The following HSD17B4 variants were observed in gnomAD, a reference collection of about 807,000 sequenced individuals.
HSD17B4 encodes the protein peroxisomal multifunctional enzyme type 2.
Under a neutral mutation model 101.0 loss-of-function variants are expected in HSD17B4, and 70 were observed. The observed-to-expected ratio is 0.69, with a 90% CI of 0.57 to 0.85. HSD17B4 has a LOEUF of 0.85. Ranked by LOEUF, HSD17B4 falls within the 40% of genes least tolerant of loss-of-function variation. HSD17B4 has a pLI of 0.00. For missense variants in HSD17B4, 984 were observed against 892.4 expected (o/e 1.10, Z -1.31); for synonymous variants, 347 against 297.1 (o/e 1.17, Z -1.73).
intron 8 of HSD17B4, among the ~76,000 whole-genome samples, chr5:119,484,010 A>G (rs1439478965): frequency 6.6e-6 from 1 of 152,144 alleles, no homozygotes; most frequent in Admixed American, 6.6e-5. Flanking sequence ...ATAGCTCTTA[A>G]GTTTCCTTTA....
intron 8 of HSD17B4, among the ~76,000 whole-genome samples, chr5:119,486,620 A>T (rs1048329236): frequency 1.3e-5 from 2 of 152,102 alleles, no homozygotes; most frequent in Non-Finnish European, 2.9e-5. Context: ...GATTTATATA[A>T]AGCTGTAGCT....
chr5:119,478,018 T>G (rs1218829619), intron 7 of HSD17B4: 1 of 171,048 alleles, frequency 5.8e-6, no homozygotes, highest in African/African-American at 2.4e-5. Flanking sequence ...TTCTGGCATT[T>G]TAGAAGATAG....
chr5:119,469,438 T>G (rs1756138848), intron 2 of HSD17B4, among the ~76,000 whole-genome samples: 1 of 152,148 alleles, frequency 6.6e-6, no homozygotes, highest in South Asian at 2.1e-4. Flanking sequence ...CATTGCAACC[T>G]CTGCCTCCTG....
chr5:119,524,320 G>A (rs1004906909), intron 17 of HSD17B4, among the ~76,000 whole-genome samples: 1 of 151,994 alleles, frequency 6.6e-6, no homozygotes, highest in African/African-American at 2.4e-5. Context: ...AATAAAACTT[G>A]TTAAAAATAA....
chr5:119,507,157 T>C (rs943899713), intron 15 of HSD17B4, among the ~76,000 whole-genome samples: 2 of 152,204 alleles, frequency 1.3e-5, no homozygotes, highest in African/African-American at 4.8e-5. Context: ...GTGGCTTGTA[T>C]TGATAATGTA....
intron 12 of HSD17B4, 38 bp downstream of exon 12, chr5:119,496,684 G>A: frequency 9.1e-7 from 1 of 1,102,316 alleles, no homozygotes; most frequent in Non-Finnish European, 1.4e-6. Flanking sequence ...TGCCTTCTCT[G>A]GAGACTTTCC....
chr5:119,496,401 A>G (rs995845641), intron 11 of HSD17B4, 142 bp from the exon 12 acceptor site: 1 of 645,374 alleles, frequency 1.5e-6, no homozygotes, highest in South Asian at 1.9e-5. Flanking sequence ...AGCCTGACAT[A>G]CATTCAGTTC....
intron 2 of HSD17B4, among the ~76,000 whole-genome samples, chr5:119,457,861 G>A (rs1250126764): frequency 6.6e-6 from 1 of 152,046 alleles, no homozygotes; most frequent in Non-Finnish European, 1.5e-5. Context: ...ATACTTTTCT[G>A]GGGGAAGGGT....
At chr5:119,463,877 G>T (rs1226698358) in intron 2 of HSD17B4, among the ~76,000 whole-genome samples, 1 of 151,526 alleles carries the variant, frequency 6.6e-6, no homozygotes, top group African/African-American at 2.4e-5. Flanking sequence ...CACCATGTTG[G>T]CCAGGCTGGT....
chr5:119,452,869 C>T (rs1754206707), intron 1 of HSD17B4: 1 of 1,535,080 alleles, frequency 6.5e-7, no homozygotes, highest in Non-Finnish European at 8.7e-7. Context: ...TCCCAAGGTC[C>T]TGCCTGAGAG....
chr5:119,506,971 A>G, intron 15 of HSD17B4, 82 bp downstream of exon 15: 1 of 709,862 alleles, frequency 1.4e-6, no homozygotes. Context: ...ATAGAAGTTG[A>G]TTAATAAGTT....
Position 119,477,441 on chromosome 5 carries a change from G to A in HSD17B4, c.374G>A (p.Arg125Gln), listed in dbSNP as rs781172854. 9.9e-6 allele frequency: 16 copies of A among 1,611,460 alleles called. No homozygotes were observed. The highest frequency in any genetic ancestry group is 1.1e-5 in the Non-Finnish European group (13 of 1,177,874). The change falls in exon 7 of 24, where the codon CGG (arginine) becomes CAG (glutamine). Residue 125 changes from arginine (R) to glutamine (Q), a missense_variant. Coordinates refer to ENST00000510025, the MANE Select transcript of HSD17B4 (RefSeq NM_000414.4). ...GATATAATCCACAGAGTTCATTTGC[G>A]GGGTTCATTCCAAGTGACACGGGCA... ...DWDIIHRVHLRGSFQVTRAAW... is the reference protein window; with the variant it reads ...DWDIIHRVHLQGSFQVTRAAW...
intron 7 of HSD17B4, 79 bp from the exon 8 acceptor site, chr5:119,478,755 T>C: frequency 8.6e-7 from 1 of 1,165,774 alleles, no homozygotes; most frequent in Non-Finnish European, 1.3e-6. Flanking sequence ...ATAGGTGCAG[T>C]AGTACCAAAA....
At chr5:119,540,060 C>A (rs1227249704) in intron 23 of HSD17B4, among the ~76,000 whole-genome samples, 1 of 152,006 alleles carries the variant, frequency 6.6e-6, no homozygotes, top group Admixed American at 6.6e-5. Context: ...CAGCTGTAGC[C>A]TGGGTGACAG....
chr5:119,527,591 A>G (rs1753717701), intron 20 of HSD17B4, among the ~76,000 whole-genome samples: 2 of 152,114 alleles, frequency 1.3e-5, no homozygotes, highest in African/African-American at 4.8e-5. Flanking sequence ...AGACAGATAT[A>G]CAGTGAAAAC....
intron 20 of HSD17B4, among the ~76,000 whole-genome samples, chr5:119,528,155 A>G (rs965595622): frequency 6.6e-6 from 1 of 152,148 alleles, no homozygotes; most frequent in African/African-American, 2.4e-5. Flanking sequence ...AAGAAAATCT[A>G]GGTTCCTAAG....
At chr5:119,536,284 T>A (rs746060022) in intron 22 of HSD17B4, 139 bp from the exon 23 acceptor site, 1 of 773,660 alleles carries the variant, frequency 1.3e-6, no homozygotes, top group Non-Finnish European at 2.2e-6. Flanking sequence ...TAATGTATAA[T>A]TGATAGATAG....
intron 4 of HSD17B4, among the ~76,000 whole-genome samples, chr5:119,475,218 TA>T (rs1748469097): frequency 6.6e-6 from 1 of 152,102 alleles, no homozygotes; most frequent in African/African-American, 2.4e-5. Context: ...GGTTGAACCT[TA>T]AAAAATAATT....
At chr5:119,508,785 A>G (rs549665671) in intron 15 of HSD17B4, among the ~76,000 whole-genome samples, 10 of 152,314 alleles carry the variant, frequency 6.6e-5, no homozygotes, top group African/African-American at 2.4e-4. Context: ...AGAATGTTTG[A>G]AAGTTCGAGT....
Sources: gnomAD v4.1 joint callset for allele counts (sites outside exome capture counted in the v4.1 genomes callset) on GRCh38, gnomAD v4.1.1 for gene constraint, MANE v1.5 for transcripts, NCBI Gene and HGNC (gene_info 2026-07-23, HGNC 2026-07-21) for gene names.